Variants in DZANK1 observed in about 807,000 individuals in gnomAD.
DZANK1 encodes double zinc ribbon and ankyrin repeat domains 1.
In DZANK1, 91 loss-of-function variants were observed where a neutral mutation model predicts 94.5. The ratio of observed to expected loss-of-function variants is 0.96; its 90% CI spans 0.81 to 1.15. The LOEUF is 1.15. Among genes scored for constraint, DZANK1 ranks in the 50% most tolerant of loss-of-function variants. The pLI is 0.00. For synonymous variants in DZANK1, 312 were observed against 325.3 expected (o/e 0.96, Z 0.44); for missense variants, 903 against 916.4 (o/e 0.99, Z 0.19).
At position 18,452,522 on chromosome 20, in the gene DZANK1, A is replaced by G. The variant is rs182688245; in HGVS notation, c.543+93T>C. On this transcript the variant is annotated intron_variant, in intron 6 of 20. Transcript: ENST00000262547. ...TAGAACAGTGCCTGGCACATGGTCA[A>G]AAGTGGGGGAGGTGCAGTCTTAAAG... is the stretch of plus-strand genomic sequence containing the variant. 1,265 of 1,409,474 alleles carry G rather than the reference A, an allele frequency of 9.0e-4. 5 individuals carry two copies. Among genetic ancestry groups the G allele is most frequent in the East Asian group, 4.0e-3 (158 of 39,990 alleles). The allele number at this position is 1,409,474 out of a possible 1,614,324, so 87.3% of individuals were successfully genotyped here.
Position 18,439,101 on chromosome 20 carries a change from G to A in DZANK1, c.747+4246C>T, listed in dbSNP as rs147558683. On this transcript the variant is annotated intron_variant, in intron 8 of 20. Transcript: ENST00000262547. ...GGTTAAGGTTCCATCTATCACCTGCGCACCTAAAGTCCCAGCTTTACTGGG... is the reference window on the plus strand; with the variant it reads ...GGTTAAGGTTCCATCTATCACCTGCACACCTAAAGTCCCAGCTTTACTGGG... Among the ~76,000 whole-genome samples the A allele has an allele frequency of 1.8e-4, 28 of 152,294 alleles. 2 individuals carry two copies. The highest frequency in any genetic ancestry group is 6.0e-4 in the African/African-American group (25 of 41,560).
chr20:18,389,790 G>A (rs747411302), exon 19 of DZANK1: 60 of 1,613,928 alleles, frequency 3.7e-5, no homozygotes, highest in Admixed American at 1.0e-4. Context: ...CGGTTATGAC[G>A]GGTCGATTGT....
chr20:18,433,917 AC>A (rs1266744190), intron 8 of DZANK1, 152 bp from the exon 9 acceptor site: 2 of 603,642 alleles, frequency 3.3e-6, no homozygotes, highest in East Asian at 5.6e-5. Context: ...CTTGGTTAGT[AC>A]TTGGTGGAAG....
intron 3 of DZANK1, among the ~76,000 whole-genome samples, chr20:18,458,440 T>G (rs2059364445): frequency 6.6e-6 from 1 of 152,260 alleles, no homozygotes; most frequent in Admixed American, 6.5e-5. Context: ...AGATAGGTAG[T>G]GGCTATTTAG....
intron 13 of DZANK1, among the ~76,000 whole-genome samples, chr20:18,410,173 CT>C (rs1270930607): frequency 1.3e-5 from 2 of 151,504 alleles, no homozygotes. Context: ...AATAATAGTT[CT>C]TTTTTTAAAA....
chr20:18,447,155 T>C (rs1023682788), intron 7 of DZANK1, among the ~76,000 whole-genome samples: 13 of 152,258 alleles, frequency 8.5e-5, no homozygotes, highest in Admixed American at 1.3e-4. Context: ...AAAAAGAAGC[T>C]CTCAGCAAAT....
intron 12 of DZANK1, 51 bp from the exon 13 acceptor site, chr20:18,412,904 T>G: frequency 6.7e-7 from 1 of 1,485,938 alleles, no homozygotes; most frequent in South Asian, 1.2e-5. Context: ...ATTTAATCAA[T>G]CTTGCATTTT....
exon 5 of DZANK1, chr20:18,453,793 T>G: frequency 6.2e-7 from 1 of 1,612,296 alleles, no homozygotes; most frequent in Non-Finnish European, 8.5e-7. Context: ...ATATTTTTTC[T>G]TTAGTTTTGA....
intron 4 of DZANK1, among the ~76,000 whole-genome samples, 195 bp downstream of exon 4, chr20:18,455,052 A>G (rs960967960): frequency 3.9e-5 from 6 of 152,228 alleles, no homozygotes; most frequent in East Asian, 3.8e-4. Context: ...AGGAACTCTC[A>G]TCTTCAGGGT....
chr20:18,450,077 C>CAAATAAATAAAT lies in DZANK1; in HGVS notation c.544-1020_544-1009dup, dbSNP rs146221883. ...TGGGCAATAGAGTGAAACTCCGTCT[C>CAAATAAATAAAT]AAATAAATAAATAAATAAATAAATA... On this transcript the variant is annotated intron_variant, in intron 6 of 20. Transcript: ENST00000262547. Among the ~76,000 whole-genome samples the CAAATAAATAAAT allele has an allele frequency of 3.9e-4, 58 of 149,208 alleles. 3 individuals carry two copies. Among genetic ancestry groups the CAAATAAATAAAT allele is most frequent in the East Asian group, 2.4e-3 (12 of 5,038 alleles).
intron 5 of DZANK1, chr20:18,452,692 G>A (rs200137215): frequency 4.4e-6 from 7 of 1,605,962 alleles, no homozygotes; most frequent in African/African-American, 1.3e-5. Context: ...TCTGAAAAGT[G>A]AAGATCTTTC....
intron 2 of DZANK1, among the ~76,000 whole-genome samples, chr20:18,463,021 A>C (rs903021591): frequency 2.0e-5 from 3 of 152,122 alleles, no homozygotes; most frequent in African/African-American, 7.2e-5. Flanking sequence ...TATGTACCCA[A>C]AGGAAAATAA....
At chr20:18,392,430 G>C (rs2056060357) in intron 17 of DZANK1, among the ~76,000 whole-genome samples, 2 of 152,232 alleles carry the variant, frequency 1.3e-5, no homozygotes. Context: ...TGGGCAGCTA[G>C]TGCACTGACA....
At chr20:18,388,627 A>G (rs1452635532) in intron 19 of DZANK1, among the ~76,000 whole-genome samples, 3 of 152,228 alleles carry the variant, frequency 2.0e-5, no homozygotes, top group Non-Finnish European at 2.9e-5. Context: ...ACAATAATAC[A>G]ACAGTGTGGG....
At chr20:18,386,240 G>A (rs994588210) in intron 19 of DZANK1, among the ~76,000 whole-genome samples, 4 of 152,146 alleles carry the variant, frequency 2.6e-5, no homozygotes, top group African/African-American at 9.7e-5. Flanking sequence ...TGGGACCCAG[G>A]GGTCCTAGCC....
chr20:18,449,411 C>G (rs1250274015), intron 6 of DZANK1, among the ~76,000 whole-genome samples: 1 of 151,976 alleles, frequency 6.6e-6, no homozygotes, highest in Non-Finnish European at 1.5e-5. Context: ...GTAATTATTA[C>G]TCTAGTATCT....
At chr20:18,385,842 A>G (rs2048455310) in intron 19 of DZANK1, among the ~76,000 whole-genome samples, 1 of 152,154 alleles carries the variant, frequency 6.6e-6, no homozygotes, top group Non-Finnish European at 1.5e-5. Context: ...ACCAGGGGGC[A>G]GGCCTGAGAG....
intron 9 of DZANK1, among the ~76,000 whole-genome samples, chr20:18,428,088 T>C (rs1176833048): frequency 1.3e-5 from 2 of 150,488 alleles, no homozygotes; most frequent in African/African-American, 2.4e-5. Flanking sequence ...GAGGCGGAGC[T>C]TGCAGTGAGC....
chr20:18,392,179 G>T (rs1406365191), intron 17 of DZANK1, among the ~76,000 whole-genome samples: 1 of 152,194 alleles, frequency 6.6e-6, no homozygotes, highest in Non-Finnish European at 1.5e-5. Flanking sequence ...AGAGTAAATA[G>T]GTAGAGTCTC....
Sources: allele counts gnomAD v4.1 joint callset (sites outside exome capture counted in the v4.1 genomes callset), GRCh38; gene constraint gnomAD v4.1.1; transcripts MANE v1.5; gene names NCBI Gene and HGNC (gene_info 2026-07-23, HGNC 2026-07-21).